Variants in DPH6 observed in about 807,000 individuals in gnomAD.
The protein encoded by DPH6 is diphthine--ammonia ligase.
DPH6 carries 33 observed loss-of-function variants against 38.2 expected under a neutral mutation model. That is an observed-to-expected ratio of 0.86 (90% CI 0.65 to 1.15). The LOEUF (loss-of-function observed/expected upper bound fraction) is 1.15. Ranked by LOEUF, DPH6 falls within the 50% of genes most tolerant of loss-of-function variation. DPH6 has a pLI of 0.00. For missense variants in DPH6, 325 were observed against 320.0 expected (o/e 1.02, Z -0.12); for synonymous variants, 108 against 103.0 (o/e 1.05, Z -0.30).
chr15:35,411,200 T>C (rs1328845773), intron 5 of DPH6, among the ~76,000 whole-genome samples: 1 of 151,718 alleles, frequency 6.6e-6, no homozygotes, highest in Non-Finnish European at 1.5e-5. Context: ...AAAAAGAGTA[T>C]CATTTCAATT....
intron 3 of DPH6, among the ~76,000 whole-genome samples, chr15:35,239,889 A>G (rs2051585457): frequency 7.1e-6 from 1 of 140,778 alleles, no homozygotes; most frequent in Admixed American, 7.7e-5. Flanking sequence ...CTGTGCCCCA[A>G]TCCCTTATTT....
chr15:35,472,483 C>T (rs2054210740), intron 3 of DPH6, among the ~76,000 whole-genome samples: 1 of 152,080 alleles, frequency 6.6e-6, no homozygotes, highest in Non-Finnish European at 1.5e-5. Flanking sequence ...TCCAATCTCC[C>T]CAGTACCTCC....
chr15:35,230,777 T>A (rs2140392235), intron 3 of DPH6, among the ~76,000 whole-genome samples: 1 of 152,202 alleles, frequency 6.6e-6, no homozygotes, highest in African/African-American at 2.4e-5. Flanking sequence ...TTTCCTTATG[T>A]CCCAAGGTGT....
chr15:35,411,761 A>G (rs2053369974), intron 5 of DPH6, among the ~76,000 whole-genome samples: 2 of 151,814 alleles, frequency 1.3e-5, no homozygotes, highest in African/African-American at 4.8e-5. Flanking sequence ...AATACTATAG[A>G]GCAAAGACAG....
intron 3 of DPH6, among the ~76,000 whole-genome samples, chr15:35,289,603 A>G (rs952876412): frequency 3.3e-5 from 5 of 152,252 alleles, no homozygotes; most frequent in African/African-American, 1.2e-4. Flanking sequence ...TGTCATAGGA[A>G]TGAGGCAAAT....
Position 35,538,381 on chromosome 15 carries a change from G to C in DPH6, c.205C>G (p.Leu69Val). The C allele has an allele frequency of 6.2e-7, 1 of 1,611,460 alleles. No homozygotes were observed. Among genetic ancestry groups the C allele is most frequent in the East Asian group, 2.2e-5 (1 of 44,868 alleles). Residue 69 changes from leucine to valine, a missense_variant, in exon 3 of 9, where the codon CTC (leucine) becomes GTC (valine). Coordinates refer to ENST00000256538, the MANE Select transcript of DPH6 (RefSeq NM_080650.4). ...DLYAEAMALP[L>V]YRRTIRGRSL... ...CTTCCTCTTATGGTTCGGCGATAGAGGGGAAGAGCCATTGCTTCTGCATAC... is the reference window on the plus strand; with the variant it reads ...CTTCCTCTTATGGTTCGGCGATAGACGGGAAGAGCCATTGCTTCTGCATAC...
chr15:35,217,538 G>C (rs1376487788), exon 4 of DPH6: 1 of 152,082 alleles, frequency 6.6e-6, no homozygotes, highest in Non-Finnish European at 1.5e-5. Flanking sequence ...TTTTAGTAGA[G>C]ATGGGGTTTC....
chr15:35,533,997 T>C (rs972682658), intron 3 of DPH6, among the ~76,000 whole-genome samples: 2 of 152,122 alleles, frequency 1.3e-5, no homozygotes, highest in South Asian at 4.1e-4. Flanking sequence ...TGTATTATTC[T>C]TGGATATGAA....
At chr15:35,523,121 T>C (rs2054945695) in intron 3 of DPH6, among the ~76,000 whole-genome samples, 1 of 152,076 alleles carries the variant, frequency 6.6e-6, no homozygotes, top group Non-Finnish European at 1.5e-5. Context: ...TCCAGAAATA[T>C]TGAACCAATT....
intron 6 of DPH6, among the ~76,000 whole-genome samples, chr15:35,399,689 C>T (rs2053192202): frequency 6.6e-6 from 1 of 152,266 alleles, no homozygotes; most frequent in South Asian, 2.1e-4. Context: ...ATCAGAATGG[C>T]TTTGGGCTTT....
At chr15:35,216,421 CTCACTT>C (rs1420940908), downstream of DPH6, among the ~76,000 whole-genome samples, 1 of 152,260 alleles carries the variant, frequency 6.6e-6, no homozygotes, top group Non-Finnish European at 1.5e-5. Context: ...AACTCTGACT[CTCACTT>C]TATTTTCATA....
the DPH6 span, among the ~76,000 whole-genome samples, chr15:35,189,636 C>A: frequency 9.3e-4 from 142 of 152,192 alleles, no homozygotes; most frequent in African/African-American, 3.3e-3. Context: ...TTGAAGGCAC[C>A]TTTGTAATTG....
chr15:35,285,872 G>GTTTTTTTTTTTTTTTTTT (rs67243158), intron 3 of DPH6, among the ~76,000 whole-genome samples: 8,592 of 52,696 alleles, frequency 0.16, 3,287 homozygotes, highest in Non-Finnish European at 0.22. Context: ...TTATCTTTGA[G>GTTTTTTTTTTTTTTTTTT]TTTTTTTTTT....
intron 5 of DPH6, among the ~76,000 whole-genome samples, chr15:35,437,717 C>A (rs951582791): frequency 2.6e-5 from 4 of 152,192 alleles, no homozygotes; most frequent in Admixed American, 2.6e-4. Context: ...CCTAGTACTC[C>A]ACAGGCCTGT....
chr15:35,344,343 A>G (rs1595490503), intron 3 of DPH6, among the ~76,000 whole-genome samples: 2 of 152,110 alleles, frequency 1.3e-5, no homozygotes, highest in East Asian at 3.9e-4. Flanking sequence ...CCCTTAGTTT[A>G]TAATTAGGCT....
At chr15:35,275,007 C>T (rs112240803) in intron 3 of DPH6, among the ~76,000 whole-genome samples, 4,707 of 151,978 alleles carry the variant, frequency 0.031, 212 homozygotes, top group African/African-American at 0.1. Flanking sequence ...CTCTGCCTCC[C>T]GGGTTCACGC....
At chr15:35,498,829 C>T (rs989391320) in intron 3 of DPH6, among the ~76,000 whole-genome samples, 5 of 150,908 alleles carry the variant, frequency 3.3e-5, no homozygotes, top group Admixed American at 2.0e-4. Context: ...TATCTTAAAC[C>T]GGGTGCAGCT....
At chr15:35,421,987 G>C (rs894261715) in intron 5 of DPH6, among the ~76,000 whole-genome samples, 1 of 151,964 alleles carries the variant, frequency 6.6e-6, no homozygotes, top group African/African-American at 2.4e-5. Context: ...AGCAGCATAT[G>C]GTAGGTAAGA....
chr15:35,170,831 T>TC, the DPH6 span, among the ~76,000 whole-genome samples: 2 of 152,180 alleles, frequency 1.3e-5, no homozygotes, highest in African/African-American at 4.8e-5. Context: ...GGCAAAAGTC[T>TC]CCCATGCTGC....
Sources: allele counts gnomAD v4.1 joint callset (sites outside exome capture counted in the v4.1 genomes callset), GRCh38; gene constraint gnomAD v4.1.1; transcripts MANE v1.5; gene names NCBI Gene and HGNC (gene_info 2026-07-23, HGNC 2026-07-21).